Variants in MAMLD1 observed in about 807,000 individuals in gnomAD.
MAMLD1 encodes the protein mastermind-like domain-containing protein 1.
Under a neutral mutation model 45.0 loss-of-function variants are expected in MAMLD1, and 14 were observed. The observed-to-expected ratio is 0.31, with a 90% confidence interval of 0.21 to 0.49. The LOEUF is 0.49. Ranked by LOEUF, MAMLD1 falls within the 20% of genes least tolerant of loss-of-function variation. MAMLD1 has a pLI of 0.99. For synonymous variants in MAMLD1, 254 were observed against 247.8 expected (o/e 1.02, Z -0.24); for missense variants, 543 against 603.6 (o/e 0.90, Z 1.05).
rs139605899 is a variant in MAMLD1, at chrX:150,374,956, G to A, written c.-64+11426G>A. ...AAACTGGGAAGTAGTCTCACCCCAG[G>A]ATCTGTCCAGGGCCCCATCCTGAGG... On this transcript the variant is annotated intron_variant, in intron 1 of 7. Transcript: ENST00000370401. Among the ~76,000 whole-genome samples, 650 of 111,215 alleles carry A rather than the reference G, an allele frequency of 5.8e-3. 3 individuals carry two copies. The highest frequency in any genetic ancestry group is 0.02 in the African/African-American group (621 of 30,565).
chrX:150,424,996 T>C lies in MAMLD1; in HGVS notation c.-63-20458T>C, dbSNP rs1043291811. ...CGCATAAATTGAATCATACAATATG[T>C]AGTTTTCTGTATCTGGCTTCTTTCA... On this transcript the variant is annotated intron_variant, in intron 1 of 7. Coordinates refer to ENST00000370401, the MANE Select transcript of MAMLD1 (RefSeq NM_005491.5). Among the ~76,000 whole-genome samples, 5 of 112,356 alleles carry C rather than the reference T, an allele frequency of 4.5e-5. No homozygotes were observed. The South Asian group carries it at 1.1e-3, about 25-fold the overall frequency.
At chrX:150,469,651 C>CTGTG (rs1490297507) in intron 3 of MAMLD1, 94 bp from the exon 4 acceptor site, 53 of 577,199 alleles carry the variant, frequency 9.2e-5, no homozygotes, top group Non-Finnish European at 1.4e-4. Context: ...CTCTCTCTCT[C>CTGTG]TCTCTGTGTG....
chrX:150,436,602 C>A (rs988585883), intron 1 of MAMLD1, among the ~76,000 whole-genome samples: 5 of 111,875 alleles, frequency 4.5e-5, no homozygotes, highest in Non-Finnish European at 9.4e-5. Context: ...ATGGCCATTT[C>A]GTCTCTCATT....
At chrX:150,482,232 A>G (rs1329718617) in intron 5 of MAMLD1, among the ~76,000 whole-genome samples, 1 of 112,860 alleles carries the variant, frequency 8.9e-6, no homozygotes, top group Non-Finnish European at 1.9e-5. Flanking sequence ...CACTGAAGGC[A>G]TTAAGCTAAG....
intron 1 of MAMLD1, among the ~76,000 whole-genome samples, chrX:150,383,373 T>G (rs1236071824): frequency 1.8e-5 from 2 of 111,479 alleles, no homozygotes; most frequent in Non-Finnish European, 3.8e-5. Flanking sequence ...CTTTGATAAA[T>G]TTTATGGATT....
chrX:150,424,337 G>A (rs150566481), intron 1 of MAMLD1, among the ~76,000 whole-genome samples: 1 of 112,184 alleles, frequency 8.9e-6, no homozygotes, highest in Non-Finnish European at 1.9e-5. Context: ...AGATGAGAGG[G>A]GGGCATTTTT....
chrX:150,468,447 G>T (rs180756921), intron 3 of MAMLD1, among the ~76,000 whole-genome samples: 1 of 111,553 alleles, frequency 9.0e-6, no homozygotes, highest in Non-Finnish European at 1.9e-5. Context: ...GGTGGGGGAA[G>T]CTTTAAAAGA....
chrX:150,409,726 A>G (rs993829505), intron 1 of MAMLD1, among the ~76,000 whole-genome samples: 12 of 111,667 alleles, frequency 1.1e-4, no homozygotes, highest in Admixed American at 9.4e-4. Context: ...TCAGATAGTC[A>G]CTGGCTCGGC....
In MAMLD1 at chrX:150,445,494, A is replaced by G; in HGVS notation, c.-23A>G. 8.6e-7 allele frequency: 1 copy of G among 1,167,360 alleles called. No homozygotes were observed. The highest frequency in any genetic ancestry group is 1.2e-6 in the Non-Finnish European group (1 of 855,180). On this transcript the variant is annotated 5_prime_UTR_variant, in exon 2 of 8. Transcript: ENST00000370401. The stretch of plus-strand genomic sequence containing the variant: ...GTTTGGGAAACGCCTTGGAGAGTCA[A>G]GAATAAATTTGCAGGTCAAACAATG...
At chrX:150,363,706 C>T (rs1557400583) in intron 1 of MAMLD1, among the ~76,000 whole-genome samples, 176 bp downstream of exon 1, 1 of 112,665 alleles carries the variant, frequency 8.9e-6, no homozygotes, top group Non-Finnish European at 1.9e-5. Context: ...GGCGGCCACC[C>T]CCTTCTCGAA....
intron 1 of MAMLD1, among the ~76,000 whole-genome samples, chrX:150,437,506 T>G (rs2035159806): frequency 8.9e-6 from 1 of 112,193 alleles, no homozygotes; most frequent in African/African-American, 3.2e-5. Flanking sequence ...TGATGTTAAC[T>G]GTAGATTTAC....
At chrX:150,481,514 C>T (rs938855516) in intron 5 of MAMLD1, among the ~76,000 whole-genome samples, 2 of 111,990 alleles carry the variant, frequency 1.8e-5, no homozygotes, top group African/African-American at 3.3e-5. Flanking sequence ...AGTGATTCCA[C>T]TTCTGGGTAT....
rs1291838319 is a variant in MAMLD1 at position 150,383,094 on chromosome X, C to T, written c.-64+19564C>T. 4.7e-5 allele frequency among the ~76,000 whole-genome samples: 2 copies of T among 42,388 alleles called. 1 individual carries two copies. The highest frequency in any genetic ancestry group is 8.5e-5 in the Non-Finnish European group (2 of 23,501). The allele number at this position is 42,388 out of a possible 115,157, so 36.8% of individuals were successfully genotyped here. ...TAATTTCTTGTATTTTTAGTAGAGA[C>T]GGGGTTTCACCGTGTTAGCCAGGAT... On this transcript the variant is annotated intron_variant, in intron 1 of 7. Transcript: ENST00000370401.
At chrX:150,468,232 C>T (rs1321525430) in intron 3 of MAMLD1, among the ~76,000 whole-genome samples, 8 of 112,124 alleles carry the variant, frequency 7.1e-5, no homozygotes, top group Non-Finnish European at 1.5e-4. Flanking sequence ...ACATACAGCC[C>T]TGGGGATCTG....
At position 150,462,903 on chromosome X, in the gene MAMLD1, G is replaced by T. The variant is rs1368876983; in HGVS notation, c.171+57G>T. The T allele has an allele frequency of 3.0e-5, 29 of 953,973 alleles. 1 individual carries two copies. Among genetic ancestry groups the T allele is most frequent in the Admixed American group, 1.8e-4 (8 of 44,056 alleles). 78.6% of individuals were successfully genotyped at this position (953,973 alleles called of 1,213,427 possible). ...TTCACTTTACAGTGGGGAAACTGAG[G>T]CCCCGAGTGTGAAAGGGACCTACAA... On this transcript the variant is annotated intron_variant, in intron 3 of 7. Coordinates refer to ENST00000370401, the MANE Select transcript of MAMLD1 (RefSeq NM_005491.5).
intron 1 of MAMLD1, among the ~76,000 whole-genome samples, chrX:150,424,194 G>A (rs2034624163): frequency 8.9e-6 from 1 of 112,508 alleles, no homozygotes; most frequent in Non-Finnish European, 1.9e-5. Flanking sequence ...TTGGCTTATT[G>A]GTTTGTACAA....
rs782545831 is a variant in MAMLD1 at position 150,379,293 on chromosome X, C to G, written c.-64+15763C>G. ...ACCATAATATATTTACTCACTTAATCCTAGAATATATAGAAGCTAGTTTCA... is the reference window on the plus strand; with the variant it reads ...ACCATAATATATTTACTCACTTAATGCTAGAATATATAGAAGCTAGTTTCA... On this transcript the variant is annotated intron_variant, in intron 1 of 7. Transcript: ENST00000370401. 8.9e-5 allele frequency among the ~76,000 whole-genome samples: 10 copies of G among 111,768 alleles called. No individual in the cohort carries two copies. In the South Asian group the frequency reaches 3.4e-3, roughly 38 times the overall value.
chrX:150,511,331 C>T (rs376032759), intron 7 of MAMLD1, among the ~76,000 whole-genome samples: 2 of 111,951 alleles, frequency 1.8e-5, no homozygotes, highest in African/African-American at 6.5e-5. Context: ...TCTCTCCATC[C>T]CCAGGCTCTT....
In MAMLD1 at chrX:150,470,875, T is replaced by A. The variant is rs370799290; in HGVS notation, c.1302T>A (p.Ser434=). The A allele has an allele frequency of 2.5e-6, 3 of 1,211,565 alleles. No homozygotes were observed. The highest frequency in any genetic ancestry group is 3.4e-6 in the Non-Finnish European group (3 of 895,499). The change falls in exon 4 of 8, where the codon TCT becomes TCA. Residue 434 remains serine, a synonymous_variant. Coordinates refer to ENST00000370401, the MANE Select transcript of MAMLD1 (RefSeq NM_005491.5). The part of the protein sequence containing the change: ...QSSILANLMS[S]TIKTPQGHLM... ...CCATTCTTGCCAACCTCATGTCCTC[T>A]ACCATCAAAACCCCTCAAGGACACC...
Sources: allele counts gnomAD v4.1 joint callset (sites outside exome capture counted in the v4.1 genomes callset), GRCh38; gene constraint gnomAD v4.1.1; transcripts MANE v1.5; gene names NCBI Gene and HGNC (gene_info 2026-07-23, HGNC 2026-07-21).